Variants in MYO19 observed in about 807,000 individuals in gnomAD.
MYO19 encodes unconventional myosin-XIX.
Under a neutral mutation model 129.2 loss-of-function variants are expected in MYO19, and 132 were observed. That is an observed-to-expected ratio of 1.02 (90% CI 0.89 to 1.18). The LOEUF (loss-of-function observed/expected upper bound fraction) is 1.18. Among genes scored for constraint, MYO19 ranks in the 50% most tolerant of loss-of-function variants. MYO19 has a pLI of 0.00. For missense variants in MYO19, 1,210 were observed against 1,216.7 expected (o/e 0.99, Z 0.08); for synonymous variants, 531 against 477.2 (o/e 1.11, Z -1.47).
chr17:36,496,148 A>G lies in MYO19; in HGVS notation c.*103T>C. 1.4e-6 allele frequency: 2 copies of G among 1,460,136 alleles called. No homozygotes were observed. Among genetic ancestry groups the G allele is most frequent in the Non-Finnish European group, 1.9e-6 (2 of 1,061,678 alleles). 90.4% of individuals were successfully genotyped at this position (1,460,136 alleles called of 1,614,324 possible). A position where few individuals can be genotyped will look rare whatever the true frequency, so the allele number is the denominator to read the frequency against. On this transcript the variant is annotated 3_prime_UTR_variant, in exon 26 of 26. Coordinates refer to ENST00000614623, the MANE Select transcript of MYO19 (RefSeq NM_001163735.2). ...GGAGCCGTCACTGTTGTTCATGTGC[A>G]TTTGGAGCACTGTGGGAATAGTCTG...
At position 36,496,139 on chromosome 17, in the gene MYO19, T is replaced by C; in HGVS notation, c.*112A>G. On this transcript the variant is annotated 3_prime_UTR_variant, in exon 26 of 26. Coordinates refer to ENST00000614623, the MANE Select transcript of MYO19 (RefSeq NM_001163735.2). The stretch of plus-strand genomic sequence containing the variant: ...TCGAAGGCTGGAGCCGTCACTGTTG[T>C]TCATGTGCATTTGGAGCACTGTGGG... 7.1e-7 allele frequency: 1 copy of C among 1,412,700 alleles called. No homozygotes were observed. The highest frequency in any genetic ancestry group is 9.8e-7 in the Non-Finnish European group (1 of 1,021,532). 87.5% of individuals were successfully genotyped at this position (1,412,700 alleles called of 1,614,324 possible).
chr17:36,542,567 C>T (rs1284341905), intron 1 of MYO19, among the ~76,000 whole-genome samples: 1 of 151,812 alleles, frequency 6.6e-6, no homozygotes. Flanking sequence ...GGCGTGGTGG[C>T]AGGCGCCTGT....
chr17:36,497,320 GAA>G (rs112241229), intron 25 of MYO19, among the ~76,000 whole-genome samples: 94 of 132,550 alleles, frequency 7.1e-4, no homozygotes, highest in African/African-American at 2.3e-3. Context: ...TAAATAACAT[GAA>G]AAAAAAAAAA....
upstream of MYO19, chr17:36,538,832 C>T: frequency 4.4e-6 from 2 of 455,284 alleles, no homozygotes; most frequent in East Asian, 3.9e-5. Flanking sequence ...CAGCTCACTG[C>T]AACCTCCACC....
intron 6 of MYO19, among the ~76,000 whole-genome samples, chr17:36,518,489 G>A (rs2072903283): frequency 4.2e-5 from 1 of 24,060 alleles, no homozygotes; most frequent in South Asian, 2.6e-3. Flanking sequence ...GATCTCAGAG[G>A]AAAAAAAAAA....
Position 36,528,210 on chromosome 17 carries a change from A to C in MYO19, c.13-8T>G, listed in dbSNP as rs1315170378. 1 of 1,563,920 alleles carries C rather than the reference A, an allele frequency of 6.4e-7. No homozygotes were observed. The highest frequency in any genetic ancestry group is 8.7e-7 in the Non-Finnish European group (1 of 1,153,664). On this transcript the variant is annotated splice_region_variant and splice_polypyrimidine_tract_variant and intron_variant, in intron 3 of 25. Transcript: ENST00000614623. The stretch of plus-strand genomic sequence containing the variant: ...CGGATTGTGGCCATTGACCTGGAAG[A>C]GATAACGTGAAGGTGAGGCCAGGCA...
At chr17:36,535,537 A>G (rs916998256), upstream of MYO19, 1 of 152,234 alleles carries the variant, frequency 6.6e-6, no homozygotes, top group Non-Finnish European at 1.5e-5. Context: ...GTGCAGCGGC[A>G]GTCCGGCTGC....
In MYO19 at chr17:36,522,165, T is replaced by C. The variant is rs145291652; in HGVS notation, c.414+3063A>G. On this transcript the variant is annotated intron_variant, in intron 6 of 25. Transcript: ENST00000614623. ...CAGATTTGAGGCAGAATAGACATTT[T>C]CAGATGTGCAACAATTTGCCCTCCA... 1.9e-3 allele frequency among the ~76,000 whole-genome samples: 296 copies of C among 152,284 alleles called. 2 individuals carry two copies. Among genetic ancestry groups the C allele is most frequent in the African/African-American group, 6.7e-3 (280 of 41,558 alleles).
chr17:36,513,164 C>T, intron 11 of MYO19: 1 of 1,413,416 alleles, frequency 7.1e-7, no homozygotes. Flanking sequence ...TCATGCGGTA[C>T]CTTGCTCTCT....
chr17:36,500,543 A>T (rs538218610), intron 23 of MYO19: 3 of 399,576 alleles, frequency 7.5e-6, no homozygotes, highest in African/African-American at 4.0e-5. Context: ...AAGTTGGCCT[A>T]AACAGCTGTC....
At position 36,508,898 on chromosome 17, in the gene MYO19, C is replaced by T. The variant is rs1286357887; in HGVS notation, c.1231+164G>A. The T allele has an allele frequency of 1.1e-5, 7 of 648,132 alleles. No individual in the cohort carries two copies. The Admixed American group carries it at 1.2e-4, about 11-fold the overall frequency. The allele number at this position is 648,132 out of a possible 1,614,324, so 40.1% of individuals were successfully genotyped here. A position where few individuals can be genotyped will look rare whatever the true frequency, so the allele number is the denominator to read the frequency against. ...GGTGCAGGAGAGCAGAGATCTCACC[C>T]TATGCAGAGATCTCGCTCTATGCTG... is the stretch of plus-strand genomic sequence containing the variant. On this transcript the variant is annotated intron_variant, in intron 14 of 25. Coordinates refer to ENST00000614623, the MANE Select transcript of MYO19 (RefSeq NM_001163735.2).
rs549761733 is a variant in MYO19 at position 36,511,350 on chromosome 17, C to T, written c.985+15G>A. 1.7e-5 allele frequency: 27 copies of T among 1,565,874 alleles called. No homozygotes were observed. Among genetic ancestry groups the T allele is most frequent in the Middle Eastern group, 1.7e-4 (1 of 5,994 alleles). On this transcript the variant is annotated intron_variant, in intron 12 of 25. Coordinates refer to ENST00000614623, the MANE Select transcript of MYO19 (RefSeq NM_001163735.2). ...TCCTGACAGGGCCTGCCCCATCCTACACCCTGACCCTCACACTTGGCATCA... is the reference window on the plus strand; with the variant it reads ...TCCTGACAGGGCCTGCCCCATCCTATACCCTGACCCTCACACTTGGCATCA...
chr17:36,510,059 G>C (rs2072211083), intron 13 of MYO19: 1 of 152,204 alleles, frequency 6.6e-6, no homozygotes, highest in Non-Finnish European at 1.5e-5. Flanking sequence ...TGAAAGCAGG[G>C]GACCCTCTCC....
intron 6 of MYO19, among the ~76,000 whole-genome samples, chr17:36,524,649 A>G (rs575458405): frequency 2.0e-5 from 3 of 152,182 alleles, no homozygotes; most frequent in Non-Finnish European, 4.4e-5. Flanking sequence ...CCTTGCCACC[A>G]TGCGCAACCC....
At chr17:36,513,526 G>C in intron 10 of MYO19, 21 bp from the exon 11 acceptor site, 1 of 1,613,822 alleles carries the variant, frequency 6.2e-7, no homozygotes, top group Non-Finnish European at 8.5e-7. Flanking sequence ...ATCCAAGTTC[G>C]GGGCAGAGGT....
Position 36,495,950 on chromosome 17 carries a change from T to G in MYO19, c.*301A>C. On this transcript the variant is annotated 3_prime_UTR_variant, in exon 26 of 26. Transcript: ENST00000614623. ...TGTGGAATTGGGATCCCCAGTGTAG[T>G]GACAGACAGTCATGACTGCTGCTGA... is the stretch of plus-strand genomic sequence containing the variant. 2 of 961,818 alleles carry G rather than the reference T, an allele frequency of 2.1e-6. No homozygotes were observed. Among genetic ancestry groups the G allele is most frequent in the Non-Finnish European group, 2.7e-6 (2 of 734,430 alleles). 59.6% of individuals were successfully genotyped at this position (961,818 alleles called of 1,614,324 possible).
rs1252318840 is a variant in MYO19 at position 36,495,762 on chromosome 17, CATT to C, written c.*486_*488del. On this transcript the variant is annotated 3_prime_UTR_variant, in exon 26 of 26. Coordinates refer to ENST00000614623, the MANE Select transcript of MYO19 (RefSeq NM_001163735.2). Reference sequence around the variant, plus strand: ...CAAAACGTGATTCTACTGTACATTGCATTATTCATAATTTAATTGTTTGAAATT... The same window carrying C: ...CAAAACGTGATTCTACTGTACATTGCATTCATAATTTAATTGTTTGAAATT... 7 of 1,242,406 alleles carry C rather than the reference CATT, an allele frequency of 5.6e-6. No homozygotes were observed. The highest frequency in any genetic ancestry group is 6.2e-5 in the East Asian group (2 of 32,484). The allele number at this position is 1,242,406 out of a possible 1,614,324, so 77.0% of individuals were successfully genotyped here. A position where few individuals can be genotyped will look rare whatever the true frequency, so the allele number is the denominator to read the frequency against.
chr17:36,506,821 G>GGAGACCTCAGACCACCATCA (rs2071927145), intron 17 of MYO19, 142 bp downstream of exon 17: 4 of 1,180,446 alleles, frequency 3.4e-6, no homozygotes, highest in Non-Finnish European at 4.6e-6. Flanking sequence ...ACCTCAGACA[G>GGAGACCTCAGACCACCATCA]GTGGGCCCAA....
At chr17:36,520,619 C>T (rs546913820) in intron 6 of MYO19, among the ~76,000 whole-genome samples, 2 of 152,298 alleles carry the variant, frequency 1.3e-5, no homozygotes, top group East Asian at 3.9e-4. Flanking sequence ...CTGTCCTCTT[C>T]TTCCTCAGCC....
Sources: gnomAD v4.1 joint callset for allele counts (sites outside exome capture counted in the v4.1 genomes callset) on GRCh38, gnomAD v4.1.1 for gene constraint, MANE v1.5 for transcripts, NCBI Gene and HGNC (gene_info 2026-07-23, HGNC 2026-07-21) for gene names.